Variants in ASTN2 observed in about 807,000 individuals in gnomAD.
The protein encoded by ASTN2 is astrotactin-2.
ASTN2 carries 54 observed loss-of-function variants against 139.8 expected under a neutral mutation model. The observed-to-expected ratio is 0.39, with a 90% CI of 0.31 to 0.48. The LOEUF (loss-of-function observed/expected upper bound fraction) is 0.48. Ranked by LOEUF, ASTN2 falls within the 20% of genes least tolerant of loss-of-function variation. The pLI, the probability that ASTN2 is intolerant of heterozygous loss-of-function variation, is 0.95. For missense variants in ASTN2, 1,565 were observed against 1,725.1 expected, an observed-to-expected ratio of 0.91 and a Z score of 1.64; for synonymous variants, 756 against 719.5, an observed-to-expected ratio of 1.05 and a Z score of -0.81.
intron 16 of ASTN2, among the ~76,000 whole-genome samples, chr9:116,683,326 G>A (rs1860003529): frequency 6.6e-6 from 1 of 152,032 alleles, no homozygotes; most frequent in South Asian, 2.1e-4. Context: ...GAAATTATGG[G>A]AAACTTCTAT....
At chr9:117,238,982 A>G (rs564421210) in intron 2 of ASTN2, among the ~76,000 whole-genome samples, 2 of 152,348 alleles carry the variant, frequency 1.3e-5, no homozygotes, top group African/African-American at 2.4e-5. Flanking sequence ...ACCACACCCA[A>G]GGATCAGCCA....
At chr9:116,962,920 C>T (rs921468300) in intron 10 of ASTN2, among the ~76,000 whole-genome samples, 1 of 152,116 alleles carries the variant, frequency 6.6e-6, no homozygotes, top group Non-Finnish European at 1.5e-5. Context: ...TCTTCGTGAA[C>T]ATACAAGCAG....
rs1026095893 is a variant in ASTN2, at chr9:116,448,539, G to A, written c.3498-5986C>T. On this transcript the variant is annotated intron_variant, in intron 20 of 22. Transcript: ENST00000313400. Reference sequence around the variant, plus strand: ...TTCCTCGATAGAGCTGGTGTTACACGTTCCAGACTTTTCTCCACTGGATTC... The same window carrying A: ...TTCCTCGATAGAGCTGGTGTTACACATTCCAGACTTTTCTCCACTGGATTC... Among the ~76,000 whole-genome samples, 12 of 152,298 alleles carry A rather than the reference G, an allele frequency of 7.9e-5. No homozygotes were observed. The South Asian group carries it at 2.1e-3, about 26-fold the overall frequency.
intron 1 of ASTN2, among the ~76,000 whole-genome samples, chr9:117,346,325 G>A (rs151161379): frequency 1.3e-5 from 2 of 152,296 alleles, no homozygotes; most frequent in Non-Finnish European, 2.9e-5. Flanking sequence ...TTGGACAAAT[G>A]TTGTGTAAAT....
At chr9:116,645,911 C>T (rs1554725026) in intron 17 of ASTN2, among the ~76,000 whole-genome samples, 2 of 152,034 alleles carry the variant, frequency 1.3e-5, no homozygotes, top group Non-Finnish European at 2.9e-5. Flanking sequence ...GAGGAGTTAC[C>T]AAAGGAAACA....
At chr9:116,445,884 G>A (rs1006831045) in intron 20 of ASTN2, among the ~76,000 whole-genome samples, 2 of 152,162 alleles carry the variant, frequency 1.3e-5, no homozygotes, top group African/African-American at 4.8e-5. Context: ...CGGGATGGAG[G>A]AGGCCTCAGG....
intron 17 of ASTN2, among the ~76,000 whole-genome samples, chr9:116,647,434 TTC>T (rs1211997926): frequency 2.0e-5 from 3 of 152,142 alleles, no homozygotes; most frequent in African/African-American, 7.2e-5. Context: ...ACTCTTGGGA[TTC>T]TCTGATCACA....
chr9:117,269,006 A>C (rs1833999529), intron 2 of ASTN2, among the ~76,000 whole-genome samples: 1 of 152,226 alleles, frequency 6.6e-6, no homozygotes, highest in Admixed American at 6.5e-5. Flanking sequence ...GTGGTGAATT[A>C]AGTAGCAGAG....
chr9:117,175,715 C>T (rs1830899533), intron 3 of ASTN2, among the ~76,000 whole-genome samples: 1 of 151,984 alleles, frequency 6.6e-6, no homozygotes, highest in Admixed American at 6.6e-5. Flanking sequence ...CTAAAGCAAA[C>T]AAAGTCCATG....
chr9:116,550,651 A>G (rs1852303421), intron 19 of ASTN2, among the ~76,000 whole-genome samples: 3 of 152,188 alleles, frequency 2.0e-5, no homozygotes, highest in Admixed American at 1.3e-4. Context: ...TTTACTCGTG[A>G]AAGAAATGAA....
At chr9:117,203,193 T>G (rs2132994776) in intron 3 of ASTN2, among the ~76,000 whole-genome samples, 1 of 152,064 alleles carries the variant, frequency 6.6e-6, no homozygotes, top group South Asian at 2.1e-4. Flanking sequence ...ATCAGGTCAT[T>G]TATCTTCTTC....
chr9:117,256,424 C>T (rs1295106096), intron 2 of ASTN2, among the ~76,000 whole-genome samples: 2 of 152,132 alleles, frequency 1.3e-5, no homozygotes, highest in Non-Finnish European at 2.9e-5. Context: ...TTGGATAATG[C>T]TTCCTATCAT....
chr9:117,011,599 T>C (rs989874168), intron 6 of ASTN2, among the ~76,000 whole-genome samples: 5 of 152,328 alleles, frequency 3.3e-5, no homozygotes, highest in Admixed American at 2.6e-4. Context: ...TTTAAAAAGA[T>C]ATTATGCAGA....
At chr9:117,212,530 A>C (rs1832168921) in intron 3 of ASTN2, among the ~76,000 whole-genome samples, 1 of 152,170 alleles carries the variant, frequency 6.6e-6, no homozygotes, top group Non-Finnish European at 1.5e-5. Context: ...ATTAATATCC[A>C]GAATATACAA....
At chr9:117,208,857 A>G (rs937710208) in intron 3 of ASTN2, among the ~76,000 whole-genome samples, 1 of 152,198 alleles carries the variant, frequency 6.6e-6, no homozygotes, top group Admixed American at 6.5e-5. Flanking sequence ...GTCAGTCAGG[A>G]ATACTGTACC....
intron 2 of ASTN2, among the ~76,000 whole-genome samples, chr9:117,230,966 C>T (rs1319563463): frequency 1.3e-5 from 2 of 152,182 alleles, no homozygotes; most frequent in Non-Finnish European, 2.9e-5. Flanking sequence ...CCAAACTTGC[C>T]TGGTCATAAA....
chr9:116,647,359 A>G (rs2900132), intron 17 of ASTN2, among the ~76,000 whole-genome samples: 43,004 of 152,134 alleles, frequency 0.28, 6,924 homozygotes, highest in Admixed American at 0.42. Context: ...TGAATGAATG[A>G]CTAGCACTTC....
At chr9:116,515,256 G>A (rs1850595454) in intron 19 of ASTN2, among the ~76,000 whole-genome samples, 1 of 152,144 alleles carries the variant, frequency 6.6e-6, no homozygotes, top group South Asian at 2.1e-4. Flanking sequence ...TTGTTCAGGG[G>A]TTTACCCCTT....
intron 20 of ASTN2, among the ~76,000 whole-genome samples, chr9:116,452,745 T>C (rs527605201): frequency 6.6e-6 from 1 of 152,196 alleles, no homozygotes; most frequent in Non-Finnish European, 1.5e-5. Flanking sequence ...TCTTTCCAAA[T>C]GGATAAAATT....
Sources: gnomAD v4.1 joint callset for allele counts (sites outside exome capture counted in the v4.1 genomes callset) on GRCh38, gnomAD v4.1.1 for gene constraint, MANE v1.5 for transcripts, NCBI Gene and HGNC (gene_info 2026-07-23, HGNC 2026-07-21) for gene names.